The following CDH3 variants were observed in gnomAD, a reference collection of about 807,000 sequenced individuals.
CDH3 encodes cadherin-3.
A neutral mutation model predicts 82.0 loss-of-function variants in CDH3; 54 were observed. The observed-to-expected ratio is 0.66, with a 90% confidence interval of 0.53 to 0.83. CDH3 has a LOEUF of 0.83. CDH3 is among the 40% of genes least tolerant of loss of function. CDH3 has a pLI of 0.00. For synonymous variants in CDH3, 446 were observed against 437.9 expected, an observed-to-expected ratio of 1.02 and a Z score of -0.23; for missense variants, 1,054 against 1,084.6, an observed-to-expected ratio of 0.97 and a Z score of 0.40.
In CDH3 at chr16:68,645,699, A is replaced by T. The variant is rs374627741; in HGVS notation, c.109A>T (p.Thr37Ser). 5.9e-4 allele frequency: 919 copies of T among 1,546,242 alleles called. 9 individuals carry two copies. The South Asian group carries it at 9.8e-3, about 16-fold the overall frequency. Residue 37 changes from threonine (T) to serine (S), a missense_variant, in exon 2 of 16, where the codon ACC (threonine) becomes TCC (serine). Physicochemically the swap from Thr to Ser is moderately conservative, Grantham distance 58. Transcript: ENST00000264012. ...GGCGGTCTTCAGGGAGGCTGAAGTG[A>T]CCTTGGAGGCGGGAGGCGCGGAGCA... is the stretch of plus-strand genomic sequence containing the variant. The part of the protein sequence containing the change: ...CRAVFREAEV[T>S]LEAGGAEQEP...
intron 12 of CDH3, among the ~76,000 whole-genome samples, chr16:68,691,344 A>G (rs1172514534): frequency 6.6e-6 from 1 of 152,200 alleles, no homozygotes; most frequent in Non-Finnish European, 1.5e-5. Flanking sequence ...ACTTTAAAAA[A>G]AAAATGGGTT....
At chr16:68,657,640 TG>T (rs1446623007) in intron 2 of CDH3, among the ~76,000 whole-genome samples, 1 of 152,174 alleles carries the variant, frequency 6.6e-6, no homozygotes, top group Non-Finnish European at 1.5e-5. Flanking sequence ...GTGGGAGGGC[TG>T]GTGGGCTGCC....
chr16:68,652,733 T>C (rs889623212), intron 2 of CDH3, among the ~76,000 whole-genome samples: 1 of 152,160 alleles, frequency 6.6e-6, no homozygotes, highest in Non-Finnish European at 1.5e-5. Context: ...CAACCTTCTC[T>C]CAAGATAACC....
At chr16:68,702,603 A>T (rs1475564033), downstream of CDH3, among the ~76,000 whole-genome samples, 1 of 152,096 alleles carries the variant, frequency 6.6e-6, no homozygotes, top group Admixed American at 6.6e-5. Context: ...TGTGGCTCAC[A>T]CCTGTAATCC....
Position 68,698,452 on chromosome 16 carries a change from A to G in CDH3, c.*52A>G, listed in dbSNP as rs1961815188. On this transcript the variant is annotated 3_prime_UTR_variant, in exon 16 of 16. Transcript: ENST00000264012. Reference sequence around the variant, plus strand: ...AAACGTCAGGCCACAGAGCATCTCCAAGGGGTCTCAGTTCCCCCTTCAGCT... The same window carrying G: ...AAACGTCAGGCCACAGAGCATCTCCGAGGGGTCTCAGTTCCCCCTTCAGCT... 1 of 1,525,974 alleles carries G rather than the reference A, an allele frequency of 6.6e-7. No homozygotes were observed. Among genetic ancestry groups the G allele is most frequent in the Non-Finnish European group, 9.1e-7 (1 of 1,101,608 alleles). The allele number at this position is 1,525,974 out of a possible 1,614,324, so 94.5% of individuals were successfully genotyped here. A position where few individuals can be genotyped will look rare whatever the true frequency, so the allele number is the denominator to read the frequency against.
intron 2 of CDH3, among the ~76,000 whole-genome samples, chr16:68,661,104 C>T (rs567201015): frequency 3.5e-4 from 53 of 152,290 alleles, no homozygotes; most frequent in Non-Finnish European, 6.6e-4. Context: ...CACTACTCTC[C>T]AGCTTTGAAA....
chr16:68,704,684 G>T (rs138768130), downstream of CDH3, among the ~76,000 whole-genome samples: 118 of 152,384 alleles, frequency 7.7e-4, no homozygotes, highest in African/African-American at 2.6e-3. Context: ...CACTGATGAA[G>T]ACAGTCAATA....
At chr16:68,694,068 A>C (rs1175004934) in intron 13 of CDH3, among the ~76,000 whole-genome samples, 1 of 152,074 alleles carries the variant, frequency 6.6e-6, no homozygotes, top group Admixed American at 6.6e-5. Flanking sequence ...CAGCTTGGCC[A>C]ACATGGTGAA....
At chr16:68,678,731 C>T (rs747666407) in intron 5 of CDH3, 31 bp from the exon 6 acceptor site, 32 of 1,614,020 alleles carry the variant, frequency 2.0e-5, no homozygotes, top group South Asian at 4.4e-5. Context: ...TGGGTGGCAC[C>T]GGGCTGACCC....
Position 68,684,842 on chromosome 16 carries a change from T to C in CDH3, c.1424+18T>C. ...AAGATCAGGTACTCAGGAGCTGGGC[T>C]CAGTAAGCAGCACGTACTGGTACAG... is the stretch of plus-strand genomic sequence containing the variant. On this transcript the variant is annotated intron_variant, in intron 10 of 15. Transcript: ENST00000264012. 2 of 1,614,010 alleles carry C rather than the reference T, an allele frequency of 1.2e-6. No homozygotes were observed. Among genetic ancestry groups the C allele is most frequent in the Admixed American group, 1.7e-5 (1 of 60,032 alleles).
At chr16:68,704,673 A>G (rs1311209624), downstream of CDH3, among the ~76,000 whole-genome samples, 1 of 152,268 alleles carries the variant, frequency 6.6e-6, no homozygotes, top group South Asian at 2.1e-4. Context: ...ACGGCCTTGG[A>G]CACTGATGAA....
chr16:68,701,896 C>T (rs796314105), downstream of CDH3, among the ~76,000 whole-genome samples: 113 of 151,636 alleles, frequency 7.5e-4, 1 homozygote, highest in African/African-American at 2.5e-3. Flanking sequence ...TGGTGGCCTA[C>T]GCCTGTAGTC....
At chr16:68,659,806 T>C (rs946905913) in intron 2 of CDH3, among the ~76,000 whole-genome samples, 18 of 5,770 alleles carry the variant, frequency 3.1e-3, no homozygotes, top group Non-Finnish European at 8.4e-3. Flanking sequence ...TGTAGACCCT[T>C]TTTTTTTTTT....
intron 2 of CDH3, among the ~76,000 whole-genome samples, chr16:68,647,283 C>G (rs1960101439): frequency 7.4e-6 from 1 of 134,932 alleles, no homozygotes; most frequent in Non-Finnish European, 1.6e-5. Flanking sequence ...GTCAAGTTCT[C>G]TGACTACAGT....
downstream of CDH3, among the ~76,000 whole-genome samples, chr16:68,701,308 A>T (rs1253911623): frequency 1.3e-5 from 2 of 151,872 alleles, no homozygotes; most frequent in Admixed American, 1.3e-4. Context: ...TCACTCTCTC[A>T]CTCTGGGCCT....
At chr16:68,689,422 G>C (rs1961502486) in intron 12 of CDH3, among the ~76,000 whole-genome samples, 1 of 152,062 alleles carries the variant, frequency 6.6e-6, no homozygotes, top group African/African-American at 2.4e-5. Context: ...TGTAATCCCA[G>C]CTACTCAGGA....
At chr16:68,702,300 T>C (rs1386967601), downstream of CDH3, among the ~76,000 whole-genome samples, 4 of 152,128 alleles carry the variant, frequency 2.6e-5, no homozygotes, top group African/African-American at 4.8e-5. Context: ...TCCATAGATA[T>C]TGGTCATTCT....
chr16:68,685,123 C>A, intron 10 of CDH3, 82 bp from the exon 11 acceptor site: 1 of 1,507,358 alleles, frequency 6.6e-7, no homozygotes, highest in South Asian at 1.1e-5. Flanking sequence ...GGCCATCTGC[C>A]AGTTGGTATG....
downstream of CDH3, among the ~76,000 whole-genome samples, chr16:68,730,250 G>A (rs1597833807): frequency 6.7e-6 from 1 of 148,992 alleles, no homozygotes; most frequent in East Asian, 2.0e-4. Context: ...AAAAAAGCCG[G>A]GCACGGTGGC....
Sources: gnomAD v4.1 joint callset for allele counts (sites outside exome capture counted in the v4.1 genomes callset) on GRCh38, gnomAD v4.1.1 for gene constraint, MANE v1.5 for transcripts, NCBI Gene and HGNC (gene_info 2026-07-23, HGNC 2026-07-21) for gene names.